Variants in PRKDC observed in about 807,000 individuals in gnomAD.
PRKDC encodes the protein protein kinase, DNA-activated, catalytic subunit.
Under a neutral mutation model 486.9 loss-of-function variants are expected in PRKDC, and 82 were observed. The ratio of observed to expected loss-of-function variants is 0.17; its 90% confidence interval spans 0.14 to 0.20. The LOEUF (loss-of-function observed/expected upper bound fraction) is 0.20. PRKDC is among the 10% of genes least tolerant of loss of function. The pLI is 1.00. For missense variants in PRKDC, 4,504 were observed against 5,038.2 expected (o/e 0.89, Z 3.21); for synonymous variants, 1,895 against 1,837.0 (o/e 1.03, Z -0.81).
chr8:47,887,651 CT>C lies in PRKDC; in HGVS notation c.4467del (p.Gly1490AlafsTer14). On this transcript the variant is annotated frameshift_variant, in exon 35 of 86. Transcript: ENST00000314191. LOFTEE classifies it high-confidence loss of function. ...TGTCTCTCATCTCCAGGGGCAATGC[CT>C]TTATAAACCAGGGAAAGAAGTTCTG... Reference protein sequence around the residue: ...VGTELLSLVYKGIAPGDERQC... With the variant: ...VGTELLSLVYXGIAPGDERQC... 1 of 1,609,312 alleles carries C rather than the reference CT, an allele frequency of 6.2e-7. No homozygotes were observed. The highest frequency in any genetic ancestry group is 8.5e-7 in the Non-Finnish European group (1 of 1,177,898).
intron 73 of PRKDC, 39 bp downstream of exon 73, chr8:47,798,198 G>C: frequency 1.3e-6 from 2 of 1,592,372 alleles, no homozygotes; most frequent in Non-Finnish European, 1.7e-6. Flanking sequence ...TTTAAGTTCT[G>C]TAAAGTTCCT....
chr8:47,908,810 G>T (rs901334137), intron 25 of PRKDC, among the ~76,000 whole-genome samples: 1 of 152,182 alleles, frequency 6.6e-6, no homozygotes, highest in African/African-American at 2.4e-5. Context: ...AGACAGATAT[G>T]CTATGTGGTC....
At chr8:47,808,371 C>A (rs1325079006) in intron 68 of PRKDC, among the ~76,000 whole-genome samples, 1 of 152,136 alleles carries the variant, frequency 6.6e-6, no homozygotes, top group Non-Finnish European at 1.5e-5. Flanking sequence ...GTCTCGAGCT[C>A]CTGGGCTCAA....
At chr8:47,857,018 G>C in intron 49 of PRKDC, 138 bp downstream of exon 49, 1 of 945,192 alleles carries the variant, frequency 1.1e-6, no homozygotes, top group Non-Finnish European at 1.4e-6. Flanking sequence ...ATTTGGTTTA[G>C]GAGCACACCA....
rs559652396 is a variant in PRKDC at position 47,934,002 on chromosome 8, T to C, written c.1586A>G (p.Asp529Gly). 6.2e-7 allele frequency: 1 copy of C among 1,613,288 alleles called. No individual in the cohort carries two copies. The highest frequency in any genetic ancestry group is 1.1e-5 in the South Asian group (1 of 91,060). The change falls in exon 15 of 86, where the codon GAT (aspartate) becomes GGT (glycine). Residue 529 changes from aspartate to glycine, a missense_variant. This residue lies in a region of PRKDC where 1,969 missense variants were observed against 2,068.9 expected (regional missense o/e 0.95). Transcript: ENST00000314191. ...WKVPTYKDYVDLFRHLLSSDQ... is the reference protein window; with the variant it reads ...WKVPTYKDYVGLFRHLLSSDQ... Reference sequence around the variant, plus strand: ...AGAGCTCAGGAGATGTCTGAAGAGATCCACGTAGTCTTTGTATGTGGGCAC... The same window carrying C: ...AGAGCTCAGGAGATGTCTGAAGAGACCCACGTAGTCTTTGTATGTGGGCAC...
intron 11 of PRKDC, 63 bp from the exon 12 acceptor site, chr8:47,936,580 T>G (rs1440981027): frequency 1.3e-6 from 2 of 1,571,856 alleles, no homozygotes; most frequent in Non-Finnish European, 1.7e-6. Context: ...ATATTTAAGG[T>G]GTCATGTTAA....
At position 47,782,648 on chromosome 8, in the gene PRKDC, A is replaced by C. The variant is rs1252439648; in HGVS notation, c.11176-50T>G. 1 of 1,532,444 alleles carries C rather than the reference A, an allele frequency of 6.5e-7. No individual in the cohort carries two copies. Among genetic ancestry groups the C allele is most frequent in the Non-Finnish European group, 8.8e-7 (1 of 1,135,368 alleles). The allele number at this position is 1,532,444 out of a possible 1,614,324, so 94.9% of individuals were successfully genotyped here. On this transcript the variant is annotated intron_variant, in intron 78 of 85. Transcript: ENST00000314191. This position sits in a 1 kb window ranked among gnomAD's most constrained non-coding sequence, Gnocchi z 4.9. Reference sequence around the variant, plus strand: ...AGGGCACAGGCTAGCCACGTGTCAAACTCAGAGGGAAAAGCCAGAGTGGCT... The same window carrying C: ...AGGGCACAGGCTAGCCACGTGTCAACCTCAGAGGGAAAAGCCAGAGTGGCT...
intron 1 of PRKDC, 121 bp downstream of exon 1, chr8:47,959,852 A>C: frequency 7.0e-7 from 1 of 1,435,452 alleles, no homozygotes; most frequent in Non-Finnish European, 9.2e-7. Flanking sequence ...TTCCCCCAAG[A>C]ATCTAATTGC....
intron 7 of PRKDC, among the ~76,000 whole-genome samples, chr8:47,947,245 C>T (rs921972277): frequency 2.6e-5 from 4 of 152,314 alleles, no homozygotes; most frequent in African/African-American, 9.6e-5. Context: ...CTTCTGATCA[C>T]GACTTCTGCG....
intron 15 of PRKDC, 101 bp from the exon 16 acceptor site, chr8:47,933,273 G>A (rs1764208479): frequency 6.1e-6 from 6 of 978,640 alleles, no homozygotes; most frequent in African/African-American, 1.7e-5. Flanking sequence ...TGCCGGTTTG[G>A]GTATTATGGA....
In PRKDC at chr8:47,789,253, T is replaced by A; in HGVS notation, c.10671-15A>T. 1 of 1,522,000 alleles carries A rather than the reference T, an allele frequency of 6.6e-7. No individual in the cohort carries two copies. The highest frequency in any genetic ancestry group is 8.9e-7 in the Non-Finnish European group (1 of 1,129,798). The allele number at this position is 1,522,000 out of a possible 1,614,324, so 94.3% of individuals were successfully genotyped here. On this transcript the variant is annotated splice_polypyrimidine_tract_variant and intron_variant, in intron 74 of 85. Transcript: ENST00000314191. Reference sequence around the variant, plus strand: ...TACTTTTAATCCTATTTAAAAAAATTTACAAAGTTTAGGCAATCAAATATC... The same window carrying A: ...TACTTTTAATCCTATTTAAAAAAATATACAAAGTTTAGGCAATCAAATATC...
intron 68 of PRKDC, among the ~76,000 whole-genome samples, chr8:47,816,451 T>C (rs2087448628): frequency 6.6e-6 from 1 of 152,100 alleles, no homozygotes; most frequent in South Asian, 2.1e-4. Context: ...GATCTTGTTG[T>C]AGAGGTAGAG....
At chr8:47,827,437 G>A (rs2087763679) in intron 62 of PRKDC, among the ~76,000 whole-genome samples, 1 of 151,888 alleles carries the variant, frequency 6.6e-6, no homozygotes. Context: ...ACTTTGAATG[G>A]CACAGAAAAC....
chr8:47,855,586 A>G (rs1292515448), intron 49 of PRKDC, among the ~76,000 whole-genome samples: 2 of 152,250 alleles, frequency 1.3e-5, no homozygotes, highest in Non-Finnish European at 2.9e-5. Flanking sequence ...GTTGCCGTCC[A>G]GGGTGCAGGC....
intron 7 of PRKDC, among the ~76,000 whole-genome samples, chr8:47,948,257 G>GT (rs2090570083): frequency 6.7e-6 from 1 of 150,224 alleles, no homozygotes; most frequent in South Asian, 2.1e-4. Flanking sequence ...TTACAGGCAT[G>GT]TGCCACCATG....
chr8:47,801,520 G>A (rs1346900841), intron 70 of PRKDC, among the ~76,000 whole-genome samples: 1 of 152,138 alleles, frequency 6.6e-6, no homozygotes, highest in Non-Finnish European at 1.5e-5. Flanking sequence ...GCCCACAGAG[G>A]CTAAGCAATT....
intron 32 of PRKDC, 110 bp from the exon 33 acceptor site, chr8:47,889,332 C>A (rs1400127371): frequency 9.0e-6 from 8 of 891,510 alleles, no homozygotes; most frequent in Admixed American, 2.9e-5. Flanking sequence ...GAGAGGTGGG[C>A]AGAGTTTCTC....
At chr8:47,800,217 A>G (rs951181342) in intron 71 of PRKDC, among the ~76,000 whole-genome samples, 2 of 152,096 alleles carry the variant, frequency 1.3e-5, no homozygotes, top group Non-Finnish European at 2.9e-5. Flanking sequence ...CCAAATGTCC[A>G]ACAATGATAG....
Position 47,943,347 on chromosome 8 carries a change from G to A in PRKDC, c.828C>T (p.Ala276=), listed in dbSNP as rs745470883. 1.2e-6 allele frequency: 2 copies of A among 1,606,338 alleles called. No individual in the cohort carries two copies. The highest frequency in any genetic ancestry group is 1.7e-6 in the Non-Finnish European group (2 of 1,177,270). The part of the protein sequence containing the change: ...AVPSAGLRLF[A]LHASQFSTCL... ...AGGTGCTAAACTGAGATGCATGCAGGGCAAATAGGCGCAAGCCAGCTGCAA... is the reference window on the plus strand; with the variant it reads ...AGGTGCTAAACTGAGATGCATGCAGAGCAAATAGGCGCAAGCCAGCTGCAA... Residue 276 remains alanine, a synonymous_variant, in exon 10 of 86, where the codon GCC becomes GCT. Coordinates refer to ENST00000314191, the MANE Select transcript of PRKDC (RefSeq NM_006904.7).
Sources: allele counts gnomAD v4.1 joint callset (sites outside exome capture counted in the v4.1 genomes callset), GRCh38; gene constraint gnomAD v4.1.1; regional missense constraint gnomAD v4.1.1; non-coding constraint Gnocchi (gnomAD v3.1); transcripts MANE v1.5; gene names NCBI Gene and HGNC (gene_info 2026-07-23, HGNC 2026-07-21).